The following GNAS variants were observed in gnomAD, a reference collection of about 807,000 sequenced individuals.
GNAS encodes GNAS complex locus, also known as protein ALEX.
A neutral mutation model predicts 54.5 loss-of-function variants in GNAS; 8 were observed. That is an observed-to-expected ratio of 0.15 (90% CI 0.09 to 0.26). The LOEUF (loss-of-function observed/expected upper bound fraction) is 0.26. GNAS is among the 10% of genes least tolerant of loss of function. GNAS has a pLI of 1.00. For missense variants in GNAS, 170 were observed against 529.8 expected (o/e 0.32, Z 6.67); for synonymous variants, 204 against 191.4 (o/e 1.07, Z -0.54).
upstream of GNAS, chr20:58,889,354 G>T (rs1323500428): frequency 1.0e-6 from 1 of 984,686 alleles, no homozygotes; most frequent in East Asian, 1.2e-4. Flanking sequence ...TCACTCACAT[G>T]TAAGTCGGGG....
chr20:58,879,445 T>C (rs983138125), intron 1 of GNAS, among the ~76,000 whole-genome samples: 1 of 152,234 alleles, frequency 6.6e-6, no homozygotes, highest in African/African-American at 2.4e-5. Context: ...CCTTTTTGAC[T>C]TGGGTTTTTG....
intron 1 of GNAS, chr20:58,851,014 A>T (rs371797033): frequency 5.9e-4 from 234 of 397,920 alleles, no homozygotes; most frequent in African/African-American, 3.8e-3. Context: ...CTGGGGTCGG[A>T]GGGGAGTGAG....
At chr20:58,874,932 A>G (rs111879907) in intron 1 of GNAS, among the ~76,000 whole-genome samples, 6 of 152,354 alleles carry the variant, frequency 3.9e-5, no homozygotes, top group African/African-American at 1.4e-4. Flanking sequence ...TCCTTTCACA[A>G]ATACTTTTAA....
chr20:58,871,626 A>AC (rs1317409010), intron 1 of GNAS, among the ~76,000 whole-genome samples: 3 of 147,662 alleles, frequency 2.0e-5, no homozygotes, highest in African/African-American at 4.9e-5. Flanking sequence ...AAAAAAAAAA[A>AC]AAACAAACAA....
intron 1 of GNAS, among the ~76,000 whole-genome samples, chr20:58,893,697 T>A (rs1200960830): frequency 6.6e-6 from 1 of 152,240 alleles, no homozygotes; most frequent in Admixed American, 6.5e-5. Flanking sequence ...TCTAAAACTT[T>A]TAAAGGCAGA....
At chr20:58,880,268 AC>A (rs1242536035) in intron 1 of GNAS, among the ~76,000 whole-genome samples, 1 of 151,858 alleles carries the variant, frequency 6.6e-6, no homozygotes, top group African/African-American at 2.4e-5. Context: ...TATTGATATG[AC>A]CCCCAGATGC....
At chr20:58,893,777 CTT>C (rs1422724603) in intron 1 of GNAS, among the ~76,000 whole-genome samples, 1 of 152,226 alleles carries the variant, frequency 6.6e-6, no homozygotes, top group Non-Finnish European at 1.5e-5. Context: ...AGTCTAGAAT[CTT>C]TTCTGTGAAT....
chr20:58,910,136 C>T lies in GNAS; in HGVS notation c.970+55C>T, dbSNP rs1002368235. On this transcript the variant is annotated intron_variant, in intron 11 of 12. Coordinates refer to ENST00000371085, the MANE Select transcript of GNAS (RefSeq NM_000516.7). The surrounding 1 kb of genome is among the most constrained non-coding windows in gnomAD (Gnocchi z 5.8). ...TTCATTGCGGTGGTTCTTTTTCAAACGGTCAGGCTGAAAACCCCCATCCCC... is the reference window on the plus strand; with the variant it reads ...TTCATTGCGGTGGTTCTTTTTCAAATGGTCAGGCTGAAAACCCCCATCCCC... The T allele has an allele frequency of 1.0e-5, 16 of 1,588,724 alleles. No homozygotes were observed. The highest frequency in any genetic ancestry group is 8.1e-5 in the African/African-American group (6 of 74,366).
At position 58,895,606 on chromosome 20, in the gene GNAS, T is replaced by A. The variant is rs762240816; in HGVS notation, c.140-6T>A. 6.3e-7 allele frequency: 1 copy of A among 1,579,594 alleles called. No homozygotes were observed. Among genetic ancestry groups the A allele is most frequent in the Admixed American group, 1.7e-5 (1 of 59,994 alleles). ...TCATAACCTGAGACTTACTTTCATT[T>A]TCTAGGTGCTGGAGAATCTGGTAAA... On this transcript the variant is annotated splice_region_variant and splice_polypyrimidine_tract_variant and intron_variant, in intron 1 of 12. Transcript: ENST00000371085.
intron 1 of GNAS, chr20:58,842,542 T>C: frequency 5.0e-6 from 2 of 398,648 alleles, no homozygotes; most frequent in East Asian, 3.6e-5. Flanking sequence ...TTTTGTGGTC[T>C]TCCCTAGTAA....
chr20:58,889,461 C>T (rs2088899773), upstream of GNAS: 2 of 521,776 alleles, frequency 3.8e-6, no homozygotes, highest in Non-Finnish European at 4.9e-6. Flanking sequence ...CGCTGCCTTG[C>T]CCCGGGGCGC....
intron 1 of GNAS, among the ~76,000 whole-genome samples, chr20:58,872,214 GTTTTA>G (rs1156784333): frequency 6.6e-6 from 1 of 152,106 alleles, no homozygotes; most frequent in African/African-American, 2.4e-5. Context: ...TCCAATTTTT[GTTTTA>G]TTTTAAAGTT....
chr20:58,882,959 T>C (rs1016010584), intron 1 of GNAS: 27 of 152,182 alleles, frequency 1.8e-4, no homozygotes. Context: ...GCAGCTTCCA[T>C]TTCTTCCCTC....
chr20:58,874,491 T>C (rs1318793457), intron 1 of GNAS, among the ~76,000 whole-genome samples: 1 of 152,270 alleles, frequency 6.6e-6, no homozygotes, highest in East Asian at 1.9e-4. Context: ...CAGATCCTTA[T>C]GTACTACAGA....
At chr20:58,883,586 GAC>G (rs2145809674) in intron 1 of GNAS, among the ~76,000 whole-genome samples, 1 of 152,288 alleles carries the variant, frequency 6.6e-6, no homozygotes, top group African/African-American at 2.4e-5. Context: ...ACCTTAGAAA[GAC>G]ACAGTGCCAT....
Position 58,891,633 on chromosome 20 carries a change from GCCCGGCGCTGC to G in GNAS, c.-87_-77del, listed in dbSNP as rs1182080103. ...AGCCGAGCCCGCGCCCGGCCCGCCCGCCCGGCGCTGCCCCGGCCCTCCCGGCCCGCGTGAGG... is the reference window on the plus strand; with the variant it reads ...AGCCGAGCCCGCGCCCGGCCCGCCCGCCCGGCCCTCCCGGCCCGCGTGAGG... On this transcript the variant is annotated 5_prime_UTR_variant, in exon 1 of 13. Transcript: ENST00000371085. 4.1e-6 allele frequency: 4 copies of G among 966,376 alleles called. No individual in the cohort carries two copies. The highest frequency in any genetic ancestry group is 4.8e-5 in the South Asian group (1 of 20,800). The allele number at this position is 966,376 out of a possible 1,614,324, so 59.9% of individuals were successfully genotyped here.
At chr20:58,840,724 G>A (rs145893409), upstream of GNAS, 195 of 1,604,236 alleles carry the variant, frequency 1.2e-4, no homozygotes, top group Non-Finnish European at 1.5e-4. The surrounding 1 kb of genome is among the most constrained non-coding windows in gnomAD (Gnocchi z 6.0). Context: ...ACCCCGAAGA[G>A]TCGAAGGAGC....
chr20:58,902,109 C>T (rs1047721992), intron 3 of GNAS, among the ~76,000 whole-genome samples: 1 of 105,702 alleles, frequency 9.5e-6, no homozygotes, highest in Non-Finnish European at 2.0e-5. Flanking sequence ...CCATTGGTTT[C>T]TGCCTCGGTG....
intron 1 of GNAS, among the ~76,000 whole-genome samples, chr20:58,870,972 T>A (rs2087404139): frequency 6.6e-6 from 1 of 152,202 alleles, no homozygotes; most frequent in African/African-American, 2.4e-5. Context: ...TTTACTCAGG[T>A]GTATGCATAG....
Sources: gnomAD v4.1 joint callset for allele counts (sites outside exome capture counted in the v4.1 genomes callset) on GRCh38, gnomAD v4.1.1 for gene constraint, Gnocchi (gnomAD v3.1) non-coding constraint, MANE v1.5 for transcripts, NCBI Gene and HGNC (gene_info 2026-07-23, HGNC 2026-07-21) for gene names.